NSUN4: variants seen among roughly 807,000 people sequenced by gnomAD.
NSUN4 encodes NOP2/Sun RNA methyltransferase 4, also known as 5-cytosine rRNA methyltransferase NSUN4.
NSUN4 carries 31 observed loss-of-function variants against 43.8 expected under a neutral mutation model. The observed-to-expected ratio is 0.71, with a 90% CI of 0.53 to 0.96. The LOEUF (loss-of-function observed/expected upper bound fraction) is 0.96, where lower values mean the gene tolerates loss of function less well. NSUN4 is among the 40% of genes least tolerant of loss of function. NSUN4 has a pLI of 0.00. For synonymous variants in NSUN4, 167 were observed against 184.1 expected (o/e 0.91, Z 0.75); for missense variants, 439 against 475.6 (o/e 0.92, Z 0.72).
chr1:46,373,494 G>A, the NSUN4 span, among the ~76,000 whole-genome samples: 2 of 152,248 alleles, frequency 1.3e-5, no homozygotes, highest in Non-Finnish European at 1.5e-5. Context: ...CCCACCTAGT[G>A]AGGGCCTTCT....
At chr1:46,380,371 A>AC in the NSUN4 span, among the ~76,000 whole-genome samples, 1 of 152,180 alleles carries the variant, frequency 6.6e-6, no homozygotes, top group Non-Finnish European at 1.5e-5. Flanking sequence ...ATTATGGCTC[A>AC]CAGAATGGTG....
the NSUN4 span, among the ~76,000 whole-genome samples, chr1:46,383,810 A>G: frequency 6.6e-6 from 1 of 152,088 alleles, no homozygotes; most frequent in African/African-American, 2.4e-5. Flanking sequence ...ACTCAAATAT[A>G]AAATTTTCTT....
intron 1 of NSUN4, chr1:46,341,339 C>T: frequency 2.0e-6 from 2 of 1,005,950 alleles, no homozygotes; most frequent in East Asian, 1.0e-4. Flanking sequence ...CGCCCTCACC[C>T]CTCGGAAAAT....
chr1:46,375,126 G>C, the NSUN4 span, among the ~76,000 whole-genome samples: 1 of 152,020 alleles, frequency 6.6e-6, no homozygotes, highest in Non-Finnish European at 1.5e-5. Flanking sequence ...CAAGAAAAGA[G>C]AAAACAAATT....
downstream of NSUN4, among the ~76,000 whole-genome samples, chr1:46,368,841 C>T (rs758527387): frequency 1.3e-5 from 2 of 152,070 alleles, no homozygotes; most frequent in Non-Finnish European, 2.9e-5. Context: ...TCGCTTGAAG[C>T]CAGAAGTTTG....
At chr1:46,376,191 T>C in the NSUN4 span, among the ~76,000 whole-genome samples, 6 of 149,376 alleles carry the variant, frequency 4.0e-5, no homozygotes, top group Non-Finnish European at 8.9e-5. Flanking sequence ...GTGGACCACC[T>C]GAGGTCAGGA....
Position 46,363,424 on chromosome 1 carries a change from C to G in NSUN4, c.*1578C>G, listed in dbSNP as rs1663999970. On this transcript the variant is annotated 3_prime_UTR_variant, in exon 6 of 6. Transcript: ENST00000474844. The stretch of plus-strand genomic sequence containing the variant: ...GCCCTTGGACTCCTGGATATCCAGC[C>G]TAGTGCTAATTGAATGCTAAGCAGT... 6.6e-6 allele frequency: 1 copy of G among 152,162 alleles called. No individual in the cohort carries two copies. The allele number at this position is 152,162 out of a possible 1,614,324, so 9.4% of individuals were successfully genotyped here.
chr1:46,361,442 T>G, intron 5 of NSUN4, 128 bp from the exon 6 acceptor site: 1 of 797,108 alleles, frequency 1.3e-6, no homozygotes, highest in Non-Finnish European at 2.0e-6. Flanking sequence ...GGAAGGGACT[T>G]GAGAGGCAGT....
rs143455777 is a variant in NSUN4 at position 46,352,969 on chromosome 1, C to G, written c.694C>G (p.Arg232Gly). Residue 232 changes from arginine (R) to glycine (G), a missense_variant, in exon 4 of 6, where the codon CGA (arginine) becomes GGA (glycine). Physicochemically the swap from Arg to Gly is moderately radical, Grantham distance 125. Transcript: ENST00000474844. ...AGAGATCAGGGATGGAAATCAAGTT[C>G]GAGTTACCTCATGGGATGGCAGGAA... The part of the protein sequence containing the change: ...PEEIRDGNQV[R>G]VTSWDGRKWG... 22 of 1,613,972 alleles carry G rather than the reference C, an allele frequency of 1.4e-5. No homozygotes were observed. Among genetic ancestry groups the G allele is most frequent in the Non-Finnish European group, 1.9e-5 (22 of 1,179,972 alleles).
At chr1:46,357,848 T>C (rs1663493212) in intron 4 of NSUN4, among the ~76,000 whole-genome samples, 1 of 152,222 alleles carries the variant, frequency 6.6e-6, no homozygotes, top group African/African-American at 2.4e-5. Context: ...ATTTTATTCT[T>C]TTCATTGCTG....
At chr1:46,340,981 G>A (rs1029887311) in intron 1 of NSUN4, 62 bp downstream of exon 1, 4 of 1,449,184 alleles carry the variant, frequency 2.8e-6, no homozygotes, top group African/African-American at 2.8e-5. Flanking sequence ...CAGTCTTTCC[G>A]TTTCCCGGCC....
chr1:46,381,990 A>G, the NSUN4 span, among the ~76,000 whole-genome samples: 1 of 152,198 alleles, frequency 6.6e-6, no homozygotes, highest in African/African-American at 2.4e-5. Context: ...TAACATACTC[A>G]AGAGCCTGAC....
intron 4 of NSUN4, among the ~76,000 whole-genome samples, chr1:46,357,938 A>C (rs1032870083): frequency 6.6e-6 from 1 of 152,066 alleles, no homozygotes; most frequent in African/African-American, 2.4e-5. Flanking sequence ...ATTTTTTGAG[A>C]CAGTCTCGCT....
chr1:46,370,828 C>A, the NSUN4 span: 2 of 152,362 alleles, frequency 1.3e-5, no homozygotes, highest in Non-Finnish European at 1.5e-5. Flanking sequence ...TCTTAGAGAA[C>A]CATATAGACT....
chr1:46,372,495 A>C, the NSUN4 span, among the ~76,000 whole-genome samples: 136 of 151,962 alleles, frequency 8.9e-4, 1 homozygote, highest in African/African-American at 3.0e-3. Flanking sequence ...TTTCCACTTT[A>C]CTTCCCTTTT....
chr1:46,377,393 GC>G, the NSUN4 span, among the ~76,000 whole-genome samples: 1 of 152,128 alleles, frequency 6.6e-6, no homozygotes, highest in Admixed American at 6.6e-5. Flanking sequence ...GATTTGATTT[GC>G]CTACAACCTA....
chr1:46,361,711 T>C lies in NSUN4; in HGVS notation c.1020T>C (p.Asp340=). 2 of 1,614,222 alleles carry C rather than the reference T, an allele frequency of 1.2e-6. No individual in the cohort carries two copies. Among genetic ancestry groups the C allele is most frequent in the African/African-American group, 1.3e-5 (1 of 75,058 alleles). Residue 340 remains aspartate, a synonymous_variant, in exon 6 of 6, where the codon GAT becomes GAC. Transcript: ENST00000474844. Reference sequence around the variant, plus strand: ...ACAGCATCCAGGTACAGGTGGAAGATCTGACTCACTTCCGAAGGGTTTTCA... The same window carrying C: ...ACAGCATCCAGGTACAGGTGGAAGACCTGACTCACTTCCGAAGGGTTTTCA... ...NQYSIQVQVE[D]LTHFRRVFMD...
At chr1:46,383,401 A>G in the NSUN4 span, among the ~76,000 whole-genome samples, 2 of 146,654 alleles carry the variant, frequency 1.4e-5, no homozygotes. Context: ...GAGGTTAAAG[A>G]GGTCTGTGAA....
chr1:46,357,757 C>G (rs1663487380), intron 4 of NSUN4, among the ~76,000 whole-genome samples: 2 of 151,996 alleles, frequency 1.3e-5, no homozygotes, highest in Admixed American at 6.6e-5. Flanking sequence ...TTGCTCATCC[C>G]TTTATATTTA....
Sources: gnomAD v4.1 joint callset for allele counts (sites outside exome capture counted in the v4.1 genomes callset) on GRCh38, gnomAD v4.1.1 for gene constraint, MANE v1.5 for transcripts, NCBI Gene and HGNC (gene_info 2026-07-23, HGNC 2026-07-21) for gene names.